Variants in TCF12 observed in about 807,000 individuals in gnomAD.
The protein encoded by TCF12 is transcription factor 12.
TCF12 carries 45 observed loss-of-function variants against 86.0 expected under a neutral mutation model. The ratio of observed to expected loss-of-function variants is 0.52; its 90% confidence interval spans 0.41 to 0.67. The LOEUF (loss-of-function observed/expected upper bound fraction) is 0.67, where lower values mean the gene tolerates loss of function less well. TCF12 is among the 30% of genes least tolerant of loss of function. The pLI is 0.00. For missense variants in TCF12, 881 were observed against 859.9 expected (o/e 1.02, Z -0.31); for synonymous variants, 330 against 299.6 (o/e 1.10, Z -1.05).
At chr15:57,206,423 A>G (rs2057812932) in intron 8 of TCF12, among the ~76,000 whole-genome samples, 1 of 152,010 alleles carries the variant, frequency 6.6e-6, no homozygotes, top group East Asian at 1.9e-4. Context: ...AAATAAATAA[A>G]GCTTTATTTA....
intron 3 of TCF12, among the ~76,000 whole-genome samples, chr15:56,931,713 G>A (rs757972277): frequency 6.6e-6 from 1 of 152,142 alleles, no homozygotes; most frequent in Non-Finnish European, 1.5e-5. Context: ...TTATGATTCT[G>A]TTGAGTGTAA....
intron 3 of TCF12, among the ~76,000 whole-genome samples, chr15:57,045,950 C>G (rs1567313034): frequency 6.6e-6 from 1 of 152,320 alleles, no homozygotes; most frequent in Non-Finnish European, 1.5e-5. Context: ...AATGGGAAAT[C>G]CAACTTAGAC....
At chr15:57,196,068 T>C (rs1314961641) in intron 7 of TCF12, among the ~76,000 whole-genome samples, 2 of 151,982 alleles carry the variant, frequency 1.3e-5, no homozygotes, top group Admixed American at 6.6e-5. Flanking sequence ...CAGGAAAATA[T>C]AATCCCAGCA....
chr15:57,191,144 AC>A (rs2056958084), intron 6 of TCF12, among the ~76,000 whole-genome samples: 1 of 152,170 alleles, frequency 6.6e-6, no homozygotes, highest in Non-Finnish European at 1.5e-5. Flanking sequence ...GGACTCTCAA[AC>A]CCATGTCATG....
intron 3 of TCF12, among the ~76,000 whole-genome samples, chr15:57,000,650 A>T (rs1163927905): frequency 6.6e-6 from 1 of 152,192 alleles, no homozygotes; most frequent in Non-Finnish European, 1.5e-5. Context: ...AATCAATGAA[A>T]TTAAAAATAA....
chr15:57,001,012 A>AAAT (rs766928921), intron 3 of TCF12, among the ~76,000 whole-genome samples: 3 of 126,738 alleles, frequency 2.4e-5, no homozygotes, highest in African/African-American at 8.7e-5. Flanking sequence ...TTTAAAAAAA[A>AAAT]TTTTTTTTTT....
intron 5 of TCF12, among the ~76,000 whole-genome samples, chr15:57,149,221 C>T (rs1263318242): frequency 6.6e-6 from 1 of 152,166 alleles, no homozygotes; most frequent in African/African-American, 2.4e-5. Flanking sequence ...CAGTGTTTTT[C>T]ATGCCCTGTG....
chr15:57,290,144 A>T (rs1194959429), downstream of TCF12, among the ~76,000 whole-genome samples: 1 of 151,880 alleles, frequency 6.6e-6, no homozygotes, highest in Non-Finnish European at 1.5e-5. Flanking sequence ...TGAGTTCATG[A>T]CCAGCCTGGC....
At chr15:57,123,914 T>C (rs565140351) in intron 5 of TCF12, among the ~76,000 whole-genome samples, 1 of 144,838 alleles carries the variant, frequency 6.9e-6, no homozygotes, top group Non-Finnish European at 1.5e-5. Context: ...AGCTTGCAGT[T>C]AGCCGAGATG....
intron 8 of TCF12, among the ~76,000 whole-genome samples, chr15:57,223,051 C>T (rs775012649): frequency 6.6e-6 from 1 of 151,860 alleles, no homozygotes; most frequent in Non-Finnish European, 1.5e-5. Flanking sequence ...AAAAAAGAAA[C>T]TAATTTGATT....
At chr15:56,944,859 T>C (rs183196875) in intron 3 of TCF12, among the ~76,000 whole-genome samples, 13 of 152,302 alleles carry the variant, frequency 8.5e-5, no homozygotes, top group African/African-American at 2.2e-4. Flanking sequence ...CCATTTGATA[T>C]ATTAAGAGAT....
At chr15:56,988,186 T>A (rs1051412813) in intron 3 of TCF12, among the ~76,000 whole-genome samples, 2 of 152,188 alleles carry the variant, frequency 1.3e-5, no homozygotes, top group Admixed American at 6.5e-5. Context: ...AATATAGTCA[T>A]GTGTCACTTG....
At chr15:56,932,529 T>C (rs994526329) in intron 3 of TCF12, among the ~76,000 whole-genome samples, 12 of 152,248 alleles carry the variant, frequency 7.9e-5, no homozygotes, top group Middle Eastern at 3.4e-3. Context: ...ACTGTTGATA[T>C]TCTCCAAAAG....
intron 4 of TCF12, among the ~76,000 whole-genome samples, chr15:57,069,764 G>A (rs1223850715): frequency 2.0e-5 from 3 of 152,088 alleles, no homozygotes; most frequent in African/African-American, 4.8e-5. Context: ...AGAACTTTAC[G>A]TTTTCTGCCA....
At chr15:57,090,761 T>TAA (rs1282815590) in intron 4 of TCF12, among the ~76,000 whole-genome samples, 3 of 152,198 alleles carry the variant, frequency 2.0e-5, no homozygotes, top group African/African-American at 7.2e-5. Context: ...TTCTCTTACT[T>TAA]GGGCTTCGTA....
intron 8 of TCF12, among the ~76,000 whole-genome samples, chr15:57,199,308 TA>T (rs2057420796): frequency 6.6e-6 from 1 of 152,176 alleles, no homozygotes; most frequent in African/African-American, 2.4e-5. Flanking sequence ...TCTGTTAAAT[TA>T]ACAGAAATCA....
At chr15:57,124,304 G>A (rs1042618715) in intron 5 of TCF12, among the ~76,000 whole-genome samples, 3 of 152,026 alleles carry the variant, frequency 2.0e-5, no homozygotes, top group Non-Finnish European at 2.9e-5. Context: ...CTTGATTTCA[G>A]CAAAACATTG....
intron 8 of TCF12, among the ~76,000 whole-genome samples, chr15:57,206,604 T>C (rs1295220509): frequency 7.1e-6 from 1 of 141,326 alleles, no homozygotes; most frequent in African/African-American, 2.7e-5. Flanking sequence ...TTTTTTTTTT[T>C]TCTGAGACAG....
chr15:57,158,066 A>C (rs1469173344), intron 5 of TCF12, among the ~76,000 whole-genome samples: 3 of 152,158 alleles, frequency 2.0e-5, no homozygotes, highest in African/African-American at 7.2e-5. Flanking sequence ...ATTTATATTT[A>C]ATTTGCAAAT....
Sources: allele counts gnomAD v4.1 joint callset (sites outside exome capture counted in the v4.1 genomes callset), GRCh38; gene constraint gnomAD v4.1.1; transcripts MANE v1.5; gene names NCBI Gene and HGNC (gene_info 2026-07-23, HGNC 2026-07-21).